PKHD1: variants seen among roughly 807,000 people sequenced by gnomAD.
PKHD1 encodes fibrocystin.
In PKHD1, 291 loss-of-function variants were observed where a neutral mutation model predicts 412.0. That is an observed-to-expected ratio of 0.71 (90% confidence interval 0.64 to 0.78). PKHD1 has a LOEUF of 0.78. Ranked by LOEUF, PKHD1 falls within the 30% of genes least tolerant of loss-of-function variation. The probability of loss-of-function intolerance (pLI) is 0.00; values close to 1 mark genes in which losing one functional copy is unlikely to be tolerated. For missense variants in PKHD1, 4,825 were observed against 4,950.7 expected (o/e 0.97, Z 0.76); for synonymous variants, 1,777 against 1,821.5 (o/e 0.98, Z 0.62).
At chr6:52,022,765 T>C in intron 33 of PKHD1, 36 bp downstream of exon 33, 1 of 1,604,488 alleles carries the variant, frequency 6.2e-7, no homozygotes, top group Non-Finnish European at 8.5e-7. Context: ...TCCATATATA[T>C]GCTTTAAAAT....
intron 60 of PKHD1, among the ~76,000 whole-genome samples, chr6:51,729,590 G>T (rs1302509506): frequency 6.6e-6 from 1 of 152,086 alleles, no homozygotes; most frequent in Non-Finnish European, 1.5e-5. Context: ...TGTCTTAAAA[G>T]TGAAGTTGCT....
intron 65 of PKHD1, among the ~76,000 whole-genome samples, chr6:51,629,705 T>C (rs913751003): frequency 1.3e-5 from 2 of 152,158 alleles, no homozygotes; most frequent in Non-Finnish European, 2.9e-5. Flanking sequence ...GAAAAAGCAA[T>C]TTTGCAATTG....
chr6:51,848,763 GGCTCTCA>G (rs1314396497), intron 49 of PKHD1, among the ~76,000 whole-genome samples: 1 of 152,036 alleles, frequency 6.6e-6, no homozygotes, highest in African/African-American at 2.4e-5. Context: ...CCCTAAGATA[GGCTCTCA>G]GGACTGTTAG....
In PKHD1 at chr6:51,772,329, C is replaced by T. The variant is rs530635008; in HGVS notation, c.8642+373G>A. The stretch of plus-strand genomic sequence containing the variant: ...ATACTTCATATGTTTCATCTCCCTC[C>T]TATTTTATTTCTGTCTATATCTTAA... On this transcript the variant is annotated intron_variant, in intron 55 of 66. Transcript: ENST00000371117. 3.6e-4 allele frequency among the ~76,000 whole-genome samples: 54 copies of T among 152,042 alleles called. 1 individual carries two copies. The highest frequency in any genetic ancestry group is 1.2e-3 in the Admixed American group (18 of 15,232).
chr6:51,640,256 T>C (rs1487577465), intron 63 of PKHD1, among the ~76,000 whole-genome samples: 1 of 152,222 alleles, frequency 6.6e-6, no homozygotes, highest in African/African-American at 2.4e-5. Context: ...AATCGAAATG[T>C]GTCCGTAGAG....
chr6:51,799,531 CA>C (rs1762591490), intron 52 of PKHD1, among the ~76,000 whole-genome samples: 1 of 152,174 alleles, frequency 6.6e-6, no homozygotes, highest in African/African-American at 2.4e-5. Flanking sequence ...TGGAGTCTAT[CA>C]ATGTGTCTAT....
In PKHD1 at chr6:51,708,792, A is replaced by C. The variant is rs183723295; in HGVS notation, c.10156+35593T>G. On this transcript the variant is annotated intron_variant, in intron 60 of 66. Transcript: ENST00000371117. ...CTTCTCTCCTAAATCAAATATTGAC[A>C]AACTATGACCCATAGGGCCAATTTG... Among the ~76,000 whole-genome samples, 27 of 152,350 alleles carry C rather than the reference A, an allele frequency of 1.8e-4. No homozygotes were observed. In the East Asian group the frequency reaches 4.8e-3, roughly 27 times the overall value.
Position 51,649,228 on chromosome 6 carries a change from A to G in PKHD1, c.11175-8T>C. The G allele has an allele frequency of 6.2e-7, 1 of 1,603,678 alleles. No homozygotes were observed. Among genetic ancestry groups the G allele is most frequent in the Non-Finnish European group, 8.5e-7 (1 of 1,170,930 alleles). ...TTAAAACTGCTTGTATTTCTGACAG[A>G]TATAAAAACAAACAAAATACATCCT... is the stretch of plus-strand genomic sequence containing the variant. On this transcript the variant is annotated splice_region_variant and splice_polypyrimidine_tract_variant and intron_variant, in intron 61 of 66. Transcript: ENST00000371117.
chr6:51,897,287 G>A (rs563462338), intron 43 of PKHD1, among the ~76,000 whole-genome samples: 131 of 151,836 alleles, frequency 8.6e-4, no homozygotes, highest in African/African-American at 1.6e-3. Context: ...CCCTCAAAGG[G>A]AAGCCCATCA....
chr6:51,812,913 C>T (rs1764914153), intron 52 of PKHD1, among the ~76,000 whole-genome samples: 1 of 152,098 alleles, frequency 6.6e-6, no homozygotes, highest in Non-Finnish European at 1.5e-5. Flanking sequence ...CTATTGATTC[C>T]AGGTTTTTAG....
At chr6:51,849,930 G>C (rs1187316365) in intron 49 of PKHD1, among the ~76,000 whole-genome samples, 1 of 152,096 alleles carries the variant, frequency 6.6e-6, no homozygotes, top group Non-Finnish European at 1.5e-5. Flanking sequence ...TGCTTTTGTT[G>C]CAATTGCTTT....
rs58823342 is a variant in PKHD1, at chr6:51,753,157, T to C, written c.8950+44A>G. 3.5e-3 allele frequency: 5,497 copies of C among 1,565,510 alleles called. 148 individuals carry two copies. The African/African-American group carries it at 0.061, about 17-fold the overall frequency. ...GGGATTTCTGGGTGTCCCAGATGAA[T>C]AGGCTCCAACTGGTAATGGCCAATT... On this transcript the variant is annotated intron_variant, in intron 57 of 66. Coordinates refer to ENST00000371117, the MANE Select transcript of PKHD1 (RefSeq NM_138694.4).
intron 51 of PKHD1, among the ~76,000 whole-genome samples, chr6:51,834,701 TA>T (rs1369191951): frequency 1.3e-5 from 2 of 152,186 alleles, no homozygotes; most frequent in African/African-American, 4.8e-5. Context: ...GTCTTGAAAG[TA>T]TGTTATTTAA....
intron 27 of PKHD1, among the ~76,000 whole-genome samples, chr6:52,036,864 T>C (rs990069515): frequency 1.3e-5 from 2 of 152,194 alleles, no homozygotes; most frequent in Admixed American, 6.5e-5. Context: ...AAAGGTGACA[T>C]ATCTTTATAA....
rs777122120 is a variant in PKHD1 at position 51,619,269 on chromosome 6, CT to C, written c.12036del (p.Gly4013AlafsTer25). On this transcript the variant is annotated frameshift_variant, in exon 67 of 67. Transcript: ENST00000371117. LOFTEE classifies it low-confidence loss of function (END_TRUNC). ...CATAGCAGCAGCAGCTGATTTTGGC[CT>C]GCCAGCTGGTATCTGAGCAACTGCT... ...GQEQLLRYQLAGQNQLLLLCP... is the reference protein window; with the variant it reads ...GQEQLLRYQLXGQNQLLLLCP... 16 of 1,614,142 alleles carry C rather than the reference CT, an allele frequency of 9.9e-6. No individual in the cohort carries two copies. Among genetic ancestry groups the C allele is most frequent in the Non-Finnish European group, 1.3e-5 (15 of 1,180,054 alleles).
At chr6:51,621,451 A>T (rs1313061886) in intron 66 of PKHD1, among the ~76,000 whole-genome samples, 1 of 152,238 alleles carries the variant, frequency 6.6e-6, no homozygotes, top group Non-Finnish European at 1.5e-5. Context: ...ATACAAGAGG[A>T]ATCAAACACT....
rs897123706 is a variant in PKHD1 at position 51,622,177 on chromosome 6, A to T, written c.11786-2657T>A. On this transcript the variant is annotated intron_variant, in intron 66 of 66. Transcript: ENST00000371117. The stretch of plus-strand genomic sequence containing the variant: ...ACCCACAGTCAGCTACAGCTTTTCC[A>T]GCTATCCTTAGCCTCTTCCAACTTC... Among the ~76,000 whole-genome samples, 13 of 152,310 alleles carry T rather than the reference A, an allele frequency of 8.5e-5. 1 individual carries two copies. Among genetic ancestry groups the T allele is most frequent in the African/African-American group, 2.6e-4 (11 of 41,558 alleles).
At chr6:51,703,265 G>A (rs1197920678) in intron 60 of PKHD1, among the ~76,000 whole-genome samples, 2 of 151,938 alleles carry the variant, frequency 1.3e-5, no homozygotes, top group African/African-American at 4.8e-5. Flanking sequence ...CTGAATGATG[G>A]TTCTGATCTG....
chr6:51,670,258 T>C (rs1173873806), intron 60 of PKHD1, among the ~76,000 whole-genome samples: 3 of 152,104 alleles, frequency 2.0e-5, no homozygotes, highest in Admixed American at 1.3e-4. Context: ...ATATTTAGGA[T>C]AGTTAGCTCT....
Sources: allele counts gnomAD v4.1 joint callset (sites outside exome capture counted in the v4.1 genomes callset), GRCh38; gene constraint gnomAD v4.1.1; transcripts MANE v1.5; gene names NCBI Gene and HGNC (gene_info 2026-07-23, HGNC 2026-07-21).